The following TLE4 variants were observed in gnomAD, a reference collection of about 807,000 sequenced individuals.
The protein encoded by TLE4 is TLE family member 4, transcriptional corepressor, also known as transducin-like enhancer protein 4.
In TLE4, 8 loss-of-function variants were observed where a neutral mutation model predicts 92.8. The observed-to-expected ratio is 0.09, with a 90% CI of 0.05 to 0.16. The LOEUF (loss-of-function observed/expected upper bound fraction) is 0.16, where lower values mean the gene tolerates loss of function less well. Among genes scored for constraint, TLE4 ranks in the 10% least tolerant of loss-of-function variants. The pLI is 1.00. For synonymous variants in TLE4, 371 were observed against 374.1 expected (o/e 0.99, Z 0.10); for missense variants, 675 against 997.6 (o/e 0.68, Z 4.36).
intron 11 of TLE4, 118 bp downstream of exon 11, chr9:79,707,017 A>C: frequency 1.3e-6 from 2 of 1,562,572 alleles, no homozygotes; most frequent in South Asian, 2.3e-5. Context: ...CCAAATGTAT[A>C]TATGTTCGGT....
chr9:79,615,260 A>G (rs901862139), intron 5 of TLE4, among the ~76,000 whole-genome samples: 5 of 151,890 alleles, frequency 3.3e-5, no homozygotes, highest in Non-Finnish European at 7.4e-5. Flanking sequence ...ATGGAAAATC[A>G]CTCTTGCATG....
At chr9:79,681,471 C>A (rs1054327988) in intron 8 of TLE4, among the ~76,000 whole-genome samples, 2 of 152,110 alleles carry the variant, frequency 1.3e-5, no homozygotes, top group African/African-American at 4.8e-5. Context: ...TGGATATAGG[C>A]TCTTTCCTTA....
At chr9:79,684,628 C>T (rs566516486) in intron 8 of TLE4, among the ~76,000 whole-genome samples, 1 of 152,280 alleles carries the variant, frequency 6.6e-6, no homozygotes, top group East Asian at 1.9e-4. Flanking sequence ...AAATTGTCTT[C>T]CATGAAGCCA....
chr9:79,634,088 GATTATGTCC>G (rs2055077247), intron 6 of TLE4, among the ~76,000 whole-genome samples: 1 of 152,148 alleles, frequency 6.6e-6, no homozygotes, highest in Non-Finnish European at 1.5e-5. Context: ...GTTATTTAAT[GATTATGTCC>G]ATTCATTCAT....
intron 8 of TLE4, among the ~76,000 whole-genome samples, chr9:79,692,282 A>G (rs1564956334): frequency 6.6e-6 from 1 of 151,874 alleles, no homozygotes; most frequent in Non-Finnish European, 1.5e-5. Context: ...GAGGGCAGGA[A>G]GATACCCAGA....
At chr9:79,573,491 G>T in intron 1 of TLE4, 198 bp from the exon 2 acceptor site, 1 of 933,680 alleles carries the variant, frequency 1.1e-6, no homozygotes, top group Non-Finnish European at 1.4e-6. Context: ...GAGTATGCGG[G>T]GCCCCAGGAC....
At chr9:79,637,900 T>C (rs2133857836) in intron 6 of TLE4, among the ~76,000 whole-genome samples, 1 of 151,934 alleles carries the variant, frequency 6.6e-6, no homozygotes, top group African/African-American at 2.4e-5. Context: ...TGGAGGAGAG[T>C]GTTCACAAAG....
At chr9:79,690,228 T>C (rs2066764709) in intron 8 of TLE4, among the ~76,000 whole-genome samples, 1 of 152,194 alleles carries the variant, frequency 6.6e-6, no homozygotes, top group South Asian at 2.1e-4. Context: ...TAATGCTAAT[T>C]CTTCCCAAGC....
intron 8 of TLE4, among the ~76,000 whole-genome samples, chr9:79,674,634 A>G (rs2062959953): frequency 6.6e-6 from 1 of 152,066 alleles, no homozygotes; most frequent in African/African-American, 2.4e-5. Flanking sequence ...TGCTGTTGTG[A>G]TGTGTTCTTT....
intron 2 of TLE4, 150 bp from the exon 3 acceptor site, chr9:79,574,723 C>CCCCTTTCCCCTT (rs2131840085): frequency 1.7e-6 from 1 of 599,214 alleles, no homozygotes; most frequent in African/African-American, 1.8e-5. Context: ...GTTCCAATCA[C>CCCCTTTCCCCTT]CCCTTTCCCC....
In TLE4 at chr9:79,635,658, G is replaced by A. The variant is rs1008071548; in HGVS notation, c.390+8210G>A. Among the ~76,000 whole-genome samples, 3 of 144,612 alleles carry A rather than the reference G, an allele frequency of 2.1e-5. No homozygotes were observed. In the Admixed American group the frequency reaches 2.1e-4, roughly 10 times the overall value. 94.9% of individuals were successfully genotyped at this position (144,612 alleles called of 152,430 possible). ...AAGGCTATCCTTTCTCCATTGATTT[G>A]TCTTTGCACCATTGTTGAAAATCAA... On this transcript the variant is annotated intron_variant, in intron 6 of 19. Coordinates refer to ENST00000376552, the MANE Select transcript of TLE4 (RefSeq NM_007005.6).
intron 8 of TLE4, among the ~76,000 whole-genome samples, chr9:79,675,608 A>C (rs2135050441): frequency 6.6e-6 from 1 of 152,286 alleles, no homozygotes; most frequent in African/African-American, 2.4e-5. Flanking sequence ...TATATCCTTA[A>C]AATCCAGAAT....
At chr9:79,651,876 C>G (rs557222856) in intron 6 of TLE4, among the ~76,000 whole-genome samples, 2 of 152,100 alleles carry the variant, frequency 1.3e-5, no homozygotes, top group African/African-American at 4.8e-5. Flanking sequence ...TTTTTTTGTT[C>G]AACATAACTG....
rs140191190 is a variant in TLE4 at position 79,620,372 on chromosome 9, T to C, written c.316-7002T>C. On this transcript the variant is annotated intron_variant, in intron 5 of 19. Transcript: ENST00000376552. ...ATATTATTAGCACAGATACAGAACA[T>C]TTCCAACATTGCCCAAAGTTCTGTT... is the stretch of plus-strand genomic sequence containing the variant. 7.5e-4 allele frequency among the ~76,000 whole-genome samples: 115 copies of C among 152,318 alleles called. No homozygotes were observed. The Middle Eastern group carries it at 0.014, about 18-fold the overall frequency.
chr9:79,701,332 G>A (rs557626947), intron 8 of TLE4, among the ~76,000 whole-genome samples: 6 of 152,118 alleles, frequency 3.9e-5, no homozygotes, highest in East Asian at 1.9e-4. Context: ...AAAATACAAC[G>A]CTGCCTGCAA....
At chr9:79,612,230 A>G (rs2048532736) in intron 4 of TLE4, among the ~76,000 whole-genome samples, 1 of 152,148 alleles carries the variant, frequency 6.6e-6, no homozygotes, top group Admixed American at 6.6e-5. Flanking sequence ...CCACAAATAT[A>G]GAAATCCAAT....
chr9:79,669,400 A>G (rs2061902505), intron 8 of TLE4, among the ~76,000 whole-genome samples: 1 of 152,270 alleles, frequency 6.6e-6, no homozygotes, highest in Non-Finnish European at 1.5e-5. Flanking sequence ...AAACATGGGC[A>G]AGAATAGGCA....
At chr9:79,674,778 G>A (rs1483724291) in intron 8 of TLE4, among the ~76,000 whole-genome samples, 1 of 152,124 alleles carries the variant, frequency 6.6e-6, no homozygotes, top group Non-Finnish European at 1.5e-5. Flanking sequence ...ATTTTGGAAT[G>A]TCATCACACA....
chr9:79,635,226 T>C (rs2055417911), intron 6 of TLE4, among the ~76,000 whole-genome samples: 1 of 152,180 alleles, frequency 6.6e-6, no homozygotes, highest in South Asian at 2.1e-4. Flanking sequence ...TAACAATTAA[T>C]GATGTTAAGT....
Sources: gnomAD v4.1 joint callset for allele counts (sites outside exome capture counted in the v4.1 genomes callset) on GRCh38, gnomAD v4.1.1 for gene constraint, MANE v1.5 for transcripts, NCBI Gene and HGNC (gene_info 2026-07-23, HGNC 2026-07-21) for gene names.